Variants in FAM227A observed in about 807,000 individuals in gnomAD.
The protein encoded by FAM227A is protein FAM227A.
In FAM227A, 80 loss-of-function variants were observed where a neutral mutation model predicts 74.7. The observed-to-expected ratio is 1.07, with a 90% CI of 0.89 to 1.29. The LOEUF is 1.29. Among genes scored for constraint, FAM227A ranks in the 50% most tolerant of loss-of-function variants. The pLI, the probability that FAM227A is intolerant of heterozygous loss-of-function variation, is 0.00. For missense variants in FAM227A, 654 were observed against 683.4 expected, an observed-to-expected ratio of 0.96 and a Z score of 0.48; for synonymous variants, 237 against 241.8, an observed-to-expected ratio of 0.98 and a Z score of 0.19.
Position 38,581,706 on chromosome 22 carries a change from T to A in FAM227A, c.*4419A>T, listed in dbSNP as rs547192965. ...CACCCGCCTCGGCCTCCCAAAGTGC[T>A]GAGATTACAGGCGTTAGCCACCGCA... On this transcript the variant is annotated 3_prime_UTR_variant, in exon 17 of 17. Transcript: ENST00000535113. 6.6e-6 allele frequency: 1 copy of A among 151,018 alleles called. No homozygotes were observed. The highest frequency in any genetic ancestry group is 1.9e-4 in the East Asian group (1 of 5,146). The allele number at this position is 151,018 out of a possible 1,614,324, so 9.4% of individuals were successfully genotyped here.
At chr22:38,618,081 A>G (rs143914391) in intron 11 of FAM227A, among the ~76,000 whole-genome samples, 39 of 152,344 alleles carry the variant, frequency 2.6e-4, no homozygotes, top group Middle Eastern at 3.4e-3. Flanking sequence ...TCCAGCCCAG[A>G]GGGGCAGAAA....
intron 6 of FAM227A, among the ~76,000 whole-genome samples, chr22:38,632,583 CAA>C (rs2091935069): frequency 6.6e-6 from 1 of 152,130 alleles, no homozygotes; most frequent in Non-Finnish European, 1.5e-5. Context: ...GATAGCAGCA[CAA>C]AGAGACTAAG....
At chr22:38,616,052 C>T (rs1315048426) in intron 11 of FAM227A, among the ~76,000 whole-genome samples, 1 of 151,860 alleles carries the variant, frequency 6.6e-6, no homozygotes, top group East Asian at 1.9e-4. Flanking sequence ...ATGAGGCCAC[C>T]CAGGGAGAAT....
intron 12 of FAM227A, among the ~76,000 whole-genome samples, chr22:38,607,046 G>A (rs747567550): frequency 4.6e-5 from 7 of 151,908 alleles, no homozygotes; most frequent in African/African-American, 1.5e-4. Context: ...GCGTGGTAGC[G>A]CACGCCTGTA....
At chr22:38,636,009 AAAAG>A (rs1364743794) in intron 6 of FAM227A, among the ~76,000 whole-genome samples, 6 of 151,844 alleles carry the variant, frequency 4.0e-5, no homozygotes, top group East Asian at 1.9e-4. Flanking sequence ...AGAAAAAAGA[AAAAG>A]AAGGAAAGAA....
At chr22:38,590,074 T>C (rs2090897210) in intron 16 of FAM227A, among the ~76,000 whole-genome samples, 1 of 148,552 alleles carries the variant, frequency 6.7e-6, no homozygotes, top group South Asian at 2.1e-4. Context: ...TGGTGAAACC[T>C]CATCTCTGCT....
intron 15 of FAM227A, among the ~76,000 whole-genome samples, chr22:38,596,442 A>G (rs1157803685): frequency 1.3e-5 from 2 of 152,194 alleles, no homozygotes; most frequent in Non-Finnish European, 2.9e-5. Flanking sequence ...ACTCCAGAGG[A>G]GGCTAAGGAA....
chr22:38,600,873 A>C (rs1254247852), intron 13 of FAM227A, among the ~76,000 whole-genome samples: 1 of 151,668 alleles, frequency 6.6e-6, no homozygotes, highest in South Asian at 2.1e-4. Context: ...AATCACTTGA[A>C]TCTGGGAGGC....
At chr22:38,604,652 T>C (rs1408589139) in intron 13 of FAM227A, among the ~76,000 whole-genome samples, 1 of 152,132 alleles carries the variant, frequency 6.6e-6, no homozygotes, top group African/African-American at 2.4e-5. Flanking sequence ...TTGCTTTTTA[T>C]TTTTTTATTT....
chr22:38,582,586 AT>A lies in FAM227A; in HGVS notation c.*3538del. Reference sequence around the variant, plus strand: ...AAAGGGCAGAGACAGGTTTCTTCATATTTAACATCCTGAGAGGCTACAACTC... The same window carrying A: ...AAAGGGCAGAGACAGGTTTCTTCATATTAACATCCTGAGAGGCTACAACTC... On this transcript the variant is annotated 3_prime_UTR_variant, in exon 17 of 17. Transcript: ENST00000535113. 1.3e-6 allele frequency: 1 copy of A among 771,798 alleles called. No homozygotes were observed. 47.8% of individuals were successfully genotyped at this position (771,798 alleles called of 1,614,324 possible).
At chr22:38,593,849 A>AC (rs2090990153) in intron 15 of FAM227A, among the ~76,000 whole-genome samples, 1 of 151,596 alleles carries the variant, frequency 6.6e-6, no homozygotes, top group Admixed American at 6.6e-5. Context: ...CGCCACTACC[A>AC]CCCAGCTATT....
rs1326832459 is a variant in FAM227A, at chr22:38,654,371, C to A, written c.-95+1749G>T. 2.7e-5 allele frequency among the ~76,000 whole-genome samples: 4 copies of A among 150,792 alleles called. 1 individual carries two copies. Among genetic ancestry groups the A allele is most frequent in the African/African-American group, 9.8e-5 (4 of 40,986 alleles). The stretch of plus-strand genomic sequence containing the variant: ...TCAAAAAAAAAGAAAAAATGGGGAG[C>A]GGAAATAATATGCCATCCAAAATGT... On this transcript the variant is annotated intron_variant, in intron 1 of 16. Transcript: ENST00000535113.
At chr22:38,634,276 C>G (rs1447643557) in intron 6 of FAM227A, among the ~76,000 whole-genome samples, 3 of 143,272 alleles carry the variant, frequency 2.1e-5, no homozygotes, top group Non-Finnish European at 4.6e-5. Context: ...CATACTGATA[C>G]TTTTCATTCA....
At chr22:38,602,975 GCAATTCT>G (rs1168702002) in intron 13 of FAM227A, among the ~76,000 whole-genome samples, 1 of 152,172 alleles carries the variant, frequency 6.6e-6, no homozygotes, top group Admixed American at 6.5e-5. Context: ...CTGGGTTCAA[GCAATTCT>G]CCTGCCTCAG....
chr22:38,632,430 C>A (rs923144944), intron 6 of FAM227A, among the ~76,000 whole-genome samples: 1 of 152,110 alleles, frequency 6.6e-6, no homozygotes, highest in Non-Finnish European at 1.5e-5. Flanking sequence ...CCTTTCGCCC[C>A]CTCTCTTCCA....
rs1461876544 is a variant in FAM227A at position 38,583,265 on chromosome 22, C to T, written c.*2860G>A. The T allele has an allele frequency of 2.5e-5, 5 of 200,596 alleles. No individual in the cohort carries two copies. The highest frequency in any genetic ancestry group is 1.1e-4 in the Admixed American group (2 of 18,374). The allele number at this position is 200,596 out of a possible 1,614,324, so 12.4% of individuals were successfully genotyped here. ...TCAGCTCACTGCATCCTCCACCTCCCGGGTTCAAGTGATTCTCCTGCCTCA... is the reference window on the plus strand; with the variant it reads ...TCAGCTCACTGCATCCTCCACCTCCTGGGTTCAAGTGATTCTCCTGCCTCA... On this transcript the variant is annotated 3_prime_UTR_variant, in exon 17 of 17. Transcript: ENST00000535113.
intron 1 of FAM227A, among the ~76,000 whole-genome samples, chr22:38,650,655 A>G (rs2092310009): frequency 6.6e-6 from 1 of 152,138 alleles, no homozygotes; most frequent in South Asian, 2.1e-4. Flanking sequence ...AGGTGACCCT[A>G]AGGCTCTCTC....
chr22:38,618,537 T>A (rs1358192640), intron 11 of FAM227A: 1 of 152,206 alleles, frequency 6.6e-6, no homozygotes, highest in Non-Finnish European at 1.5e-5. Context: ...TTTCTTCCAA[T>A]GAAGTCCTGT....
intron 15 of FAM227A, among the ~76,000 whole-genome samples, chr22:38,592,123 T>C (rs1239241439): frequency 6.6e-6 from 1 of 151,958 alleles, no homozygotes; most frequent in Non-Finnish European, 1.5e-5. Context: ...TAATTTTTTG[T>C]ATTTTCAGTA....
Sources: allele counts gnomAD v4.1 joint callset (sites outside exome capture counted in the v4.1 genomes callset), GRCh38; gene constraint gnomAD v4.1.1; transcripts MANE v1.5; gene names NCBI Gene and HGNC (gene_info 2026-07-23, HGNC 2026-07-21).